INO80: variants seen among roughly 807,000 people sequenced by gnomAD.
The protein encoded by INO80 is INO80 complex ATPase subunit.
In INO80, 20 loss-of-function variants were observed where a neutral mutation model predicts 203.4. The observed-to-expected ratio is 0.10, with a 90% CI of 0.07 to 0.14. The LOEUF is 0.14. INO80 is among the 10% of genes least tolerant of loss of function. The pLI, the probability that INO80 is intolerant of heterozygous loss-of-function variation, is 1.00. For synonymous variants in INO80, 726 were observed against 685.2 expected, an observed-to-expected ratio of 1.06 and a Z score of -0.93; for missense variants, 1,419 against 1,914.4, an observed-to-expected ratio of 0.74 and a Z score of 4.83.
At chr15:41,101,881 A>G (rs2045813272) in intron 1 of INO80, among the ~76,000 whole-genome samples, 1 of 151,410 alleles carries the variant, frequency 6.6e-6, no homozygotes, top group East Asian at 2.0e-4. Context: ...GTGATTCTCC[A>G]TACTAGTACA....
intron 4 of INO80, among the ~76,000 whole-genome samples, chr15:41,093,096 T>C (rs777379584): frequency 1.5e-4 from 23 of 151,826 alleles, no homozygotes; most frequent in Admixed American, 2.0e-4. Context: ...AAAAAGCAGA[T>C]TAGTCGCTGC....
chr15:40,986,316 CTTTTTTTTTTT>C (rs551165963), intron 31 of INO80, among the ~76,000 whole-genome samples: 7 of 90,722 alleles, frequency 7.7e-5, no homozygotes, highest in Admixed American at 1.6e-4. Context: ...CTCCACAATG[CTTTTTTTTTTT>C]TTTTTTTTTT....
At chr15:41,079,396 C>T (rs990786579) in intron 9 of INO80, among the ~76,000 whole-genome samples, 3 of 151,912 alleles carry the variant, frequency 2.0e-5, no homozygotes, top group African/African-American at 7.3e-5. Context: ...GAGAAAAAGG[C>T]CTGAGGAGGG....
At chr15:41,098,786 T>C (rs2045762232) in intron 1 of INO80, among the ~76,000 whole-genome samples, 1 of 152,150 alleles carries the variant, frequency 6.6e-6, no homozygotes, top group East Asian at 1.9e-4. Flanking sequence ...TGTGTACACA[T>C]AAAACCTACA....
At chr15:41,106,748 A>G (rs1382218272) in intron 1 of INO80, among the ~76,000 whole-genome samples, 1 of 152,228 alleles carries the variant, frequency 6.6e-6, no homozygotes, top group African/African-American at 2.4e-5. Flanking sequence ...GTATGTACAT[A>G]TATCTATAAA....
chr15:41,085,806 T>C (rs2045554364), intron 6 of INO80, among the ~76,000 whole-genome samples: 1 of 152,188 alleles, frequency 6.6e-6, no homozygotes, highest in Non-Finnish European at 1.5e-5. Context: ...GAACACTGGA[T>C]ACTCACTCTG....
intron 24 of INO80, 59 bp from the exon 25 acceptor site, chr15:41,027,795 GA>G (rs11461974): frequency 1.8e-4 from 235 of 1,285,482 alleles, no homozygotes; most frequent in South Asian, 4.6e-4. Flanking sequence ...TAAGCAAAAT[GA>G]AAAAAAAAGC....
intron 5 of INO80, among the ~76,000 whole-genome samples, chr15:41,090,622 A>C (rs2140652896): frequency 6.6e-6 from 1 of 152,238 alleles, no homozygotes; most frequent in East Asian, 1.9e-4. Flanking sequence ...GTCTGGACTG[A>C]GGGACAGAAA....
At chr15:41,031,930 CA>C (rs2044482000) in intron 24 of INO80, among the ~76,000 whole-genome samples, 1 of 71,068 alleles carries the variant, frequency 1.4e-5, no homozygotes. Context: ...CAGCACAGCA[CA>C]GCACAGCACA....
intron 24 of INO80, among the ~76,000 whole-genome samples, chr15:41,041,865 C>A (rs1217553213): frequency 1.5e-5 from 2 of 137,486 alleles, no homozygotes; most frequent in African/African-American, 5.3e-5. Context: ...GGCAGGGTCT[C>A]GCTCTGTCAC....
rs1369695764 is a variant in INO80, at chr15:41,096,200, T to C, written c.111A>G (p.Gln37=). 5.0e-6 allele frequency: 8 copies of C among 1,611,728 alleles called. No individual in the cohort carries two copies. The Admixed American group carries it at 6.8e-5, about 14-fold the overall frequency. The change falls in exon 2 of 36, where the codon CAA becomes CAG. Residue 37 remains glutamine, a synonymous_variant. Transcript: ENST00000648947. ...RALRLDHFLR[Q]TSAIFNRNIS... ...TATTCCTATTGAAGATAGCTGACGT[T>C]TGTCGCAGAAAATGGTCCAACCGGA...
intron 24 of INO80, among the ~76,000 whole-genome samples, chr15:41,038,458 T>C (rs944472765): frequency 6.6e-6 from 1 of 152,178 alleles, no homozygotes; most frequent in African/African-American, 2.4e-5. Flanking sequence ...AGGATCTTTC[T>C]CCCTAAAAAT....
chr15:41,051,421 G>A (rs561574105), intron 19 of INO80, among the ~76,000 whole-genome samples: 40 of 151,530 alleles, frequency 2.6e-4, no homozygotes, highest in African/African-American at 9.5e-4. Flanking sequence ...TAGTAAGATA[G>A]GAAACGCTAA....
intron 5 of INO80, 103 bp from the exon 6 acceptor site, chr15:41,087,785 A>T (rs562106536): frequency 1.7e-6 from 2 of 1,151,496 alleles, no homozygotes; most frequent in East Asian, 4.9e-5. Flanking sequence ...GCTCCTAAAT[A>T]CAGTATTCTT....
rs536058652 is a variant in INO80 at position 41,063,027 on chromosome 15, T to C, written c.1783-3101A>G. 2.4e-4 allele frequency among the ~76,000 whole-genome samples: 36 copies of C among 152,200 alleles called. 1 individual carries two copies. In the South Asian group the frequency reaches 7.5e-3, roughly 32 times the overall value. On this transcript the variant is annotated intron_variant, in intron 14 of 35. Transcript: ENST00000648947. ...ATTTCTCAGGATCTCCTGAGCGCTG[T>C]CATGGGCCAAAAAATGTTTTTAAAA...
At chr15:41,008,392 A>G (rs1054970555) in intron 27 of INO80, among the ~76,000 whole-genome samples, 1 of 152,160 alleles carries the variant, frequency 6.6e-6, no homozygotes, top group Non-Finnish European at 1.5e-5. Context: ...AAAACTCATA[A>G]AAGTAGAGAG....
chr15:41,104,302 A>G lies in INO80; in HGVS notation c.-43-7949T>C, dbSNP rs111386567. ...ATTGCTAAGGATGAAAGAACTATTC[A>G]ATATGTTTTTGGAACAATTCTTCAT... On this transcript the variant is annotated intron_variant, in intron 1 of 35. Transcript: ENST00000648947. 5.4e-3 allele frequency among the ~76,000 whole-genome samples: 818 copies of G among 152,080 alleles called. 4 individuals carry two copies. The highest frequency in any genetic ancestry group is 0.013 in the South Asian group (61 of 4,824).
rs149995664 is a variant in INO80 at position 40,983,837 on chromosome 15, C to T, written c.4162G>A (p.Ala1388Thr). Residue 1388 changes from alanine (A) to threonine (T), a missense_variant, in exon 34 of 36, where the codon GCC becomes ACC. Physicochemically the swap from Ala to Thr is moderately conservative, Grantham distance 58. Coordinates refer to ENST00000648947, the MANE Select transcript of INO80 (RefSeq NM_017553.3). ...GCTCGAGACTGAGGGGCTGAGGAGG[C>T]TGGGTCATCCACAATGACCAGCATG... ...SDMLVIVDDP[A>T]SSAPQSRATN... The T allele has an allele frequency of 5.0e-6, 8 of 1,612,824 alleles. No homozygotes were observed. In the African/African-American group the frequency reaches 1.1e-4, roughly 22 times the overall value.
At chr15:40,983,221 ATGATGGCTAGACCAC>A in intron 34 of INO80, 144 bp from the exon 35 acceptor site, 1 of 620,672 alleles carries the variant, frequency 1.6e-6, no homozygotes, top group Non-Finnish European at 2.8e-6. Flanking sequence ...TCTCCACTTA[ATGATGGCTAGACCAC>A]TGAGTCACAC....
Sources: allele counts gnomAD v4.1 joint callset (sites outside exome capture counted in the v4.1 genomes callset), GRCh38; gene constraint gnomAD v4.1.1; transcripts MANE v1.5; gene names NCBI Gene and HGNC (gene_info 2026-07-23, HGNC 2026-07-21).